The following ANO4 variants were observed in gnomAD, a reference collection of about 807,000 sequenced individuals.
ANO4 encodes the protein anoctamin-4.
A neutral mutation model predicts 141.9 loss-of-function variants in ANO4; 69 were observed. The observed-to-expected ratio is 0.49, with a 90% CI of 0.40 to 0.59. The LOEUF is 0.59. Among genes scored for constraint, ANO4 ranks in the 20% least tolerant of loss-of-function variants. The probability of loss-of-function intolerance (pLI) is 0.00; values close to 1 mark genes in which losing one functional copy is unlikely to be tolerated. For missense variants in ANO4, 894 were observed against 1,162.2 expected, an observed-to-expected ratio of 0.77 and a Z score of 3.36; for synonymous variants, 350 against 394.3, an observed-to-expected ratio of 0.89 and a Z score of 1.33.
intron 6 of ANO4, among the ~76,000 whole-genome samples, chr12:100,971,729 A>G (rs2136274672): frequency 6.6e-6 from 1 of 152,302 alleles, no homozygotes; most frequent in East Asian, 1.9e-4. Context: ...CAGCCAGACC[A>G]CAGGCAGCAG....
rs772400284 is a variant in ANO4, at chr12:101,093,049, A to G, written c.1702-1207A>G. On this transcript the variant is annotated intron_variant, in intron 17 of 27. Coordinates refer to ENST00000392977, the MANE Select transcript of ANO4 (RefSeq NM_001286615.2). ...ACTAGGATTTTGTTTTTATGATCAAATGGGTATGACTAACCTATGTCACAA... is the reference window on the plus strand; with the variant it reads ...ACTAGGATTTTGTTTTTATGATCAAGTGGGTATGACTAACCTATGTCACAA... Among the ~76,000 whole-genome samples the G allele has an allele frequency of 4.1e-4, 63 of 152,166 alleles. 1 individual carries two copies. The highest frequency in any genetic ancestry group is 9.2e-4 in the Admixed American group (14 of 15,258).
intron 3 of ANO4, among the ~76,000 whole-genome samples, chr12:100,935,752 C>T (rs1179669681): frequency 6.6e-6 from 1 of 152,146 alleles, no homozygotes; most frequent in African/African-American, 2.4e-5. Flanking sequence ...CCGTGGTAGG[C>T]ACTGAATATA....
At chr12:101,068,699 G>A in intron 14 of ANO4, 1 of 1,298,782 alleles carries the variant, frequency 7.7e-7, no homozygotes, top group Non-Finnish European at 1.1e-6. Flanking sequence ...AAAGATTCTT[G>A]TGTGAAAGCT....
At chr12:100,892,528 A>G (rs1487005315) in intron 1 of ANO4, among the ~76,000 whole-genome samples, 1 of 152,188 alleles carries the variant, frequency 6.6e-6, no homozygotes, top group Non-Finnish European at 1.5e-5. Context: ...GAGTTTAGTT[A>G]CCTGTAGTCT....
chr12:101,037,392 A>G (rs146184825), intron 10 of ANO4, among the ~76,000 whole-genome samples: 111 of 152,332 alleles, frequency 7.3e-4, no homozygotes, highest in African/African-American at 2.6e-3. Context: ...GCATGAATTC[A>G]TAGGAATGGC....
intron 3 of ANO4, among the ~76,000 whole-genome samples, chr12:100,748,751 T>C (rs868120125): frequency 6.6e-6 from 1 of 152,178 alleles, no homozygotes. Context: ...TTTTTTTTTC[T>C]ACTTTTTCTC....
intron 1 of ANO4, among the ~76,000 whole-genome samples, chr12:100,804,665 T>G (rs1393232904): frequency 6.6e-6 from 1 of 152,204 alleles, no homozygotes; most frequent in Non-Finnish European, 1.5e-5. Flanking sequence ...GAGATGGTAT[T>G]TCATTGTGGT....
intron 21 of ANO4, among the ~76,000 whole-genome samples, chr12:101,098,153 A>G (rs2050057622): frequency 6.6e-6 from 1 of 152,180 alleles, no homozygotes; most frequent in Admixed American, 6.6e-5. Flanking sequence ...CACATGAACA[A>G]ACGTGAATAT....
intron 1 of ANO4, among the ~76,000 whole-genome samples, chr12:100,844,225 C>G (rs760518797): frequency 3.0e-4 from 46 of 151,896 alleles, no homozygotes; most frequent in Non-Finnish European, 6.0e-4. Flanking sequence ...ATGGGTAGTG[C>G]AAAGAGGGAG....
intron 7 of ANO4, among the ~76,000 whole-genome samples, chr12:100,983,280 G>A (rs1179013985): frequency 1.3e-5 from 2 of 152,182 alleles, no homozygotes; most frequent in African/African-American, 2.4e-5. Flanking sequence ...TTGAGGAGAG[G>A]ATCAGACCGA....
intron 8 of ANO4, among the ~76,000 whole-genome samples, chr12:101,000,166 C>G (rs1232377960): frequency 6.6e-6 from 1 of 152,008 alleles, no homozygotes; most frequent in African/African-American, 2.4e-5. Context: ...ACTGAGAATC[C>G]TTTGGAGAAT....
In ANO4 at chr12:100,770,670, T is replaced by G. The variant is rs555247432; in HGVS notation, c.358+30565T>G. Among the ~76,000 whole-genome samples, 9 of 152,264 alleles carry G rather than the reference T, an allele frequency of 5.9e-5. No individual in the cohort carries two copies. The South Asian group carries it at 1.9e-3, about 32-fold the overall frequency. ...AAGGAGGACTTGTAGCTGGGACCTC[T>G]GAGCTCATATTTAACCCCCTGTTTC... On this transcript the variant is annotated intron_variant, in intron 3 of 29. Transcript: ENST00000644049.
chr12:100,733,893 AT>A (rs2136822822), intron 2 of ANO4: 2 of 676,576 alleles, frequency 3.0e-6, no homozygotes, highest in Non-Finnish European at 5.4e-6. Context: ...TTTTAAAAAA[AT>A]ATTATTGCCT....
chr12:100,966,086 C>T (rs1056714775), intron 5 of ANO4, among the ~76,000 whole-genome samples: 7 of 152,084 alleles, frequency 4.6e-5, no homozygotes, highest in Non-Finnish European at 8.8e-5. Context: ...CTCAGGATTT[C>T]TGGTGGTTCG....
intron 1 of ANO4, among the ~76,000 whole-genome samples, chr12:100,901,088 G>A (rs1302810965): frequency 2.6e-5 from 4 of 152,030 alleles, no homozygotes; most frequent in Admixed American, 6.6e-5. Context: ...CATCTAAAAA[G>A]CAAATCAACA....
chr12:100,973,641 TTTA>T (rs1008133660), intron 6 of ANO4, among the ~76,000 whole-genome samples: 2 of 152,206 alleles, frequency 1.3e-5, no homozygotes, highest in African/African-American at 4.8e-5. Flanking sequence ...CTACAGTTTC[TTTA>T]TTATTAACAT....
At chr12:100,927,920 G>A (rs1487827768) in intron 3 of ANO4, among the ~76,000 whole-genome samples, 3 of 152,112 alleles carry the variant, frequency 2.0e-5, no homozygotes, top group African/African-American at 7.2e-5. Context: ...GAGATCTGAG[G>A]AGTTAAAAGG....
intron 12 of ANO4, 35 bp from the exon 13 acceptor site, chr12:101,043,504 C>A: frequency 1.3e-6 from 2 of 1,515,558 alleles, no homozygotes; most frequent in South Asian, 2.3e-5. Flanking sequence ...TGTTCCATGT[C>A]ATCAAAAAGC....
intron 24 of ANO4, among the ~76,000 whole-genome samples, chr12:101,112,286 T>C (rs2050693085): frequency 6.6e-6 from 1 of 152,138 alleles, no homozygotes; most frequent in South Asian, 2.1e-4. Context: ...GCAAGCTGAG[T>C]GGACTAAACT....
Sources: allele counts gnomAD v4.1 joint callset (sites outside exome capture counted in the v4.1 genomes callset), GRCh38; gene constraint gnomAD v4.1.1; transcripts MANE v1.5; gene names NCBI Gene and HGNC (gene_info 2026-07-23, HGNC 2026-07-21).